The following APBB2 variants were observed in gnomAD, a reference collection of about 807,000 sequenced individuals.
APBB2 encodes the protein Fe65-like 1.
APBB2 carries 38 observed loss-of-function variants against 82.5 expected under a neutral mutation model. The ratio of observed to expected loss-of-function variants is 0.46; its 90% CI spans 0.36 to 0.60. APBB2 has a LOEUF of 0.60. Ranked by LOEUF, APBB2 falls within the 20% of genes least tolerant of loss-of-function variation. APBB2 has a pLI of 0.00. For missense variants in APBB2, 772 were observed against 972.3 expected (o/e 0.79, Z 2.74); for synonymous variants, 341 against 368.2 (o/e 0.93, Z 0.85).
intron 6 of APBB2, among the ~76,000 whole-genome samples, chr4:40,989,061 A>G (rs76879776): frequency 0.012 from 1,802 of 152,248 alleles, 36 homozygotes; most frequent in African/African-American, 0.041. Context: ...GCCTGGCCCC[A>G]GAGTACTTTT....
chr4:41,198,944 T>C (rs989593911), intron 1 of APBB2, among the ~76,000 whole-genome samples: 5 of 152,172 alleles, frequency 3.3e-5, no homozygotes, highest in Non-Finnish European at 7.3e-5. Flanking sequence ...TGTGTCCAAA[T>C]TTCCCTCTTC....
In APBB2 at chr4:40,898,801, A is replaced by T. The variant is rs139447847; in HGVS notation, c.1255-5390T>A. On this transcript the variant is annotated intron_variant, in intron 10 of 17. Transcript: ENST00000508593. Reference sequence around the variant, plus strand: ...GGTGGGCGGACCACTTGAGGTCAACAGAGTGAGACTCCATCTCAAAAAAAA... The same window carrying T: ...GGTGGGCGGACCACTTGAGGTCAACTGAGTGAGACTCCATCTCAAAAAAAA... Among the ~76,000 whole-genome samples, 1,457 of 151,606 alleles carry T rather than the reference A, an allele frequency of 9.6e-3. 10 individuals are homozygous for T. Among genetic ancestry groups the T allele is most frequent in the Middle Eastern group, 0.061 (18 of 294 alleles).
chr4:40,906,762 C>T (rs187606996), intron 10 of APBB2, among the ~76,000 whole-genome samples: 24 of 152,136 alleles, frequency 1.6e-4, no homozygotes, highest in Non-Finnish European at 3.2e-4. Flanking sequence ...ATCTTCTGAC[C>T]CAAAGTGAGA....
intron 10 of APBB2, among the ~76,000 whole-genome samples, chr4:40,894,205 G>A (rs1260045537): frequency 6.6e-6 from 1 of 150,888 alleles, no homozygotes; most frequent in African/African-American, 2.4e-5. Context: ...GAAGAATGGC[G>A]TGAACCCGGA....
chr4:40,890,671 C>T (rs544716512), intron 11 of APBB2, among the ~76,000 whole-genome samples, 180 bp from the exon 12 acceptor site: 81 of 152,176 alleles, frequency 5.3e-4, no homozygotes, highest in African/African-American at 1.8e-3. Context: ...AGTTTCCCCT[C>T]ATACACCCAA....
At position 40,832,072 on chromosome 4, in the gene APBB2, A is replaced by G. The variant is rs1207547163; in HGVS notation, c.1530-1495T>C. Among the ~76,000 whole-genome samples the G allele has an allele frequency of 6.7e-6, 1 of 148,338 alleles. No homozygotes were observed. The highest frequency in any genetic ancestry group is 1.5e-5 in the Non-Finnish European group (1 of 66,574). Reference sequence around the variant, plus strand: ...CACACATATACACCAAGCTTTACCCATCTAGGAATGGATCACAGTGATTTA... The same window carrying G: ...CACACATATACACCAAGCTTTACCCGTCTAGGAATGGATCACAGTGATTTA... On this transcript the variant is annotated intron_variant, in intron 12 of 17. Coordinates refer to ENST00000508593, the MANE Select transcript of APBB2 (RefSeq NM_004307.2). The surrounding 1 kb of genome is among the most constrained non-coding windows in gnomAD (Gnocchi z 4.8).
intron 1 of APBB2, among the ~76,000 whole-genome samples, chr4:41,199,156 TG>T (rs33926144): frequency 6.6e-6 from 1 of 151,938 alleles, no homozygotes; most frequent in Non-Finnish European, 1.5e-5. Flanking sequence ...GTTATATTTT[TG>T]GGGGGGACAC....
intron 6 of APBB2, among the ~76,000 whole-genome samples, chr4:40,979,225 T>C (rs1797909831): frequency 6.6e-6 from 1 of 152,172 alleles, no homozygotes; most frequent in African/African-American, 2.4e-5. Flanking sequence ...TCTCTAGAAA[T>C]TAATATTTTT....
Position 41,027,207 on chromosome 4 carries a change from C to T in APBB2, c.19+6029G>A, listed in dbSNP as rs528026809. On this transcript the variant is annotated intron_variant, in intron 5 of 17. Coordinates refer to ENST00000508593, the MANE Select transcript of APBB2 (RefSeq NM_004307.2). The stretch of plus-strand genomic sequence containing the variant: ...CCTGCCCTCTCAGTGATCTGGCTTT[C>T]TGTGCAGTGAGCAGCAGGACCTAGA... 1.3e-4 allele frequency among the ~76,000 whole-genome samples: 20 copies of T among 151,542 alleles called. No homozygotes were observed. The South Asian group carries it at 4.2e-3, about 32-fold the overall frequency.
chr4:41,015,265 G>A (rs558223027), intron 5 of APBB2, among the ~76,000 whole-genome samples: 5 of 152,240 alleles, frequency 3.3e-5, no homozygotes, highest in East Asian at 3.9e-4. Context: ...TATGTCTCTC[G>A]CTGGGAAGAA....
intron 6 of APBB2, among the ~76,000 whole-genome samples, chr4:40,965,591 T>G (rs1464307167): frequency 6.6e-6 from 1 of 152,234 alleles, no homozygotes; most frequent in African/African-American, 2.4e-5. Context: ...ATATGGATTC[T>G]ATGTCAAAAT....
intron 6 of APBB2, among the ~76,000 whole-genome samples, chr4:40,988,282 T>G (rs559743763): frequency 6.6e-6 from 1 of 152,348 alleles, no homozygotes; most frequent in East Asian, 1.9e-4. Flanking sequence ...GCATATGTAC[T>G]TGAATTCAAG....
At chr4:41,050,330 A>G (rs1204934961) in intron 4 of APBB2, among the ~76,000 whole-genome samples, 1 of 152,234 alleles carries the variant, frequency 6.6e-6, no homozygotes, top group Non-Finnish European at 1.5e-5. Context: ...ATGCTGCCTC[A>G]TTTGTGTGTC....
chr4:41,080,569 T>C (rs546479169), intron 3 of APBB2, among the ~76,000 whole-genome samples: 4 of 152,284 alleles, frequency 2.6e-5, no homozygotes, highest in Non-Finnish European at 5.9e-5. Flanking sequence ...GATGCCTGCA[T>C]ATAATTTTCC....
intron 12 of APBB2, among the ~76,000 whole-genome samples, chr4:40,845,468 G>A (rs747360766): frequency 7.2e-5 from 11 of 151,966 alleles, no homozygotes; most frequent in Admixed American, 2.0e-4. Context: ...CATGCTCTCC[G>A]TGGCTGTTCC....
intron 3 of APBB2, among the ~76,000 whole-genome samples, chr4:41,091,404 T>A (rs2153954220): frequency 6.6e-6 from 1 of 152,348 alleles, no homozygotes; most frequent in East Asian, 1.9e-4. Context: ...CAGATACTTT[T>A]GTATACATAA....
intron 12 of APBB2, among the ~76,000 whole-genome samples, chr4:40,862,677 G>A (rs1378035317): frequency 2.6e-5 from 4 of 152,144 alleles, no homozygotes; most frequent in African/African-American, 9.7e-5. Flanking sequence ...TGGTCAAGAT[G>A]GTGAAACCCT....
intron 12 of APBB2, among the ~76,000 whole-genome samples, chr4:40,840,955 T>C (rs1755605226): frequency 6.6e-6 from 1 of 152,104 alleles, no homozygotes; most frequent in Admixed American, 6.5e-5. Flanking sequence ...GGAGCTCACA[T>C]CCACATGCAC....
At position 40,954,578 on chromosome 4, in the gene APBB2, G is replaced by A. The variant is rs577000729; in HGVS notation, c.836-9505C>T. On this transcript the variant is annotated intron_variant, in intron 6 of 17. Coordinates refer to ENST00000508593, the MANE Select transcript of APBB2 (RefSeq NM_004307.2). ...AGAACGTACACTGCTGGGGAGCCTC[G>A]GTCACTCTGGAGTGGGGCCCAGGAA... Among the ~76,000 whole-genome samples, 20 of 152,248 alleles carry A rather than the reference G, an allele frequency of 1.3e-4. No homozygotes were observed. The East Asian group carries it at 2.9e-3, about 22-fold the overall frequency.
Sources: allele counts gnomAD v4.1 joint callset (sites outside exome capture counted in the v4.1 genomes callset), GRCh38; gene constraint gnomAD v4.1.1; non-coding constraint Gnocchi (gnomAD v3.1); transcripts MANE v1.5; gene names NCBI Gene and HGNC (gene_info 2026-07-23, HGNC 2026-07-21).